FHIT: variants seen among roughly 807,000 people sequenced by gnomAD.
FHIT encodes the protein bis(5'-adenosyl)-triphosphatase.
FHIT carries 19 observed loss-of-function variants against 17.9 expected under a neutral mutation model. The observed-to-expected ratio is 1.06, with a 90% confidence interval of 0.74 to 1.56. The LOEUF (loss-of-function observed/expected upper bound fraction) is 1.56. Among genes scored for constraint, FHIT ranks in the 40% most tolerant of loss-of-function variants. FHIT has a pLI of 0.00. For synonymous variants in FHIT, 81 were observed against 69.7 expected (o/e 1.16, Z -0.81); for missense variants, 248 against 189.2 (o/e 1.31, Z -1.82).
chr3:59,835,935 G>C (rs1221134532), intron 8 of FHIT, among the ~76,000 whole-genome samples: 1 of 152,098 alleles, frequency 6.6e-6, no homozygotes, highest in African/African-American at 2.4e-5. Context: ...TAAATCAAGG[G>C]GACACAAATA....
rs112626491 is a variant in FHIT at position 59,957,377 on chromosome 3, C to G, written c.280-34963G>C. Among the ~76,000 whole-genome samples, 6 of 152,354 alleles carry G rather than the reference C, an allele frequency of 3.9e-5. No individual in the cohort carries two copies. In the East Asian group the frequency reaches 7.7e-4, roughly 20 times the overall value. On this transcript the variant is annotated intron_variant, in intron 7 of 9. Coordinates refer to ENST00000492590, the MANE Select transcript of FHIT (RefSeq NM_002012.4). Reference sequence around the variant, plus strand: ...TCACAAGAGGGGCCTCAGGGGAAATCAACTCTGCTGACACCTTGGTCTTTG... The same window carrying G: ...TCACAAGAGGGGCCTCAGGGGAAATGAACTCTGCTGACACCTTGGTCTTTG...
At chr3:60,283,366 C>A (rs213369) in intron 5 of FHIT, among the ~76,000 whole-genome samples, 29,218 of 151,820 alleles carry the variant, frequency 0.19, 3,050 homozygotes, top group South Asian at 0.35. Context: ...TATATTAATA[C>A]ATATCATTAA....
intron 5 of FHIT, among the ~76,000 whole-genome samples, chr3:60,460,963 A>G (rs2032423149): frequency 6.6e-6 from 1 of 152,214 alleles, no homozygotes; most frequent in Non-Finnish European, 1.5e-5. Context: ...ATCTATTTAA[A>G]GGAAATATAT....
At chr3:60,581,000 T>C (rs1249040654) in intron 4 of FHIT, among the ~76,000 whole-genome samples, 4 of 152,002 alleles carry the variant, frequency 2.6e-5, no homozygotes, top group Non-Finnish European at 5.9e-5. Context: ...GTGGCTGAGA[T>C]TGCATAGTTC....
chr3:60,465,590 T>C (rs1357596299), intron 5 of FHIT, among the ~76,000 whole-genome samples: 1 of 152,104 alleles, frequency 6.6e-6, no homozygotes, highest in African/African-American at 2.4e-5. Context: ...AGGGGTCTAG[T>C]TTTATTCTTC....
chr3:60,860,425 G>GT (rs1412059907), intron 3 of FHIT, among the ~76,000 whole-genome samples: 19 of 130,066 alleles, frequency 1.5e-4, no homozygotes, highest in South Asian at 2.5e-4. Context: ...ATGTATATAT[G>GT]ATACATATAT....
chr3:60,444,739 A>T (rs188195478), intron 5 of FHIT, among the ~76,000 whole-genome samples: 2 of 152,200 alleles, frequency 1.3e-5, no homozygotes, highest in Non-Finnish European at 2.9e-5. Flanking sequence ...GATATACCTA[A>T]TGCTGAATGA....
chr3:60,471,396 G>A (rs1226996351), intron 5 of FHIT, among the ~76,000 whole-genome samples: 2 of 152,194 alleles, frequency 1.3e-5, no homozygotes, highest in African/African-American at 4.8e-5. Flanking sequence ...CCATTGGCAT[G>A]GACAATTTGC....
chr3:60,894,601 A>G (rs1259471754), intron 3 of FHIT, among the ~76,000 whole-genome samples: 1 of 152,160 alleles, frequency 6.6e-6, no homozygotes, highest in Non-Finnish European at 1.5e-5. Context: ...CTGCATCTGG[A>G]AAGTTAGGCT....
intron 4 of FHIT, among the ~76,000 whole-genome samples, chr3:60,554,746 G>C (rs1323085282): frequency 3.3e-5 from 5 of 152,208 alleles, no homozygotes; most frequent in Admixed American, 3.3e-4. Context: ...CATTTACATT[G>C]AACAAATTAA....
At chr3:61,142,221 G>C (rs2037105224) in intron 2 of FHIT, among the ~76,000 whole-genome samples, 1 of 151,300 alleles carries the variant, frequency 6.6e-6, no homozygotes, top group African/African-American at 2.4e-5. Flanking sequence ...CTTAAGTATA[G>C]AAAATATCAG....
At chr3:60,265,870 A>G (rs918836072) in intron 5 of FHIT, among the ~76,000 whole-genome samples, 1 of 151,972 alleles carries the variant, frequency 6.6e-6, no homozygotes, top group African/African-American at 2.4e-5. Context: ...TCTAAACACC[A>G]TGAGTCACCA....
intron 3 of FHIT, among the ~76,000 whole-genome samples, chr3:60,930,339 T>C (rs1376655908): frequency 4.6e-5 from 7 of 151,996 alleles, no homozygotes; most frequent in Non-Finnish European, 1.0e-4. Context: ...CCAAAAGCAA[T>C]GGTAACAAAA....
At chr3:61,068,800 T>A (rs1267238331) in intron 2 of FHIT, among the ~76,000 whole-genome samples, 1 of 152,138 alleles carries the variant, frequency 6.6e-6, no homozygotes, top group African/African-American at 2.4e-5. Flanking sequence ...TTTACATTGT[T>A]GGAAAGTCAA....
chr3:61,103,891 CTT>C (rs1214060792), intron 2 of FHIT, among the ~76,000 whole-genome samples: 1 of 141,568 alleles, frequency 7.1e-6, no homozygotes, highest in South Asian at 2.2e-4. Context: ...GCTTTTTTTT[CTT>C]TTTTTTTTTT....
chr3:61,202,759 G>A (rs1391474301), intron 1 of FHIT, among the ~76,000 whole-genome samples: 2 of 152,170 alleles, frequency 1.3e-5, no homozygotes, highest in Admixed American at 6.5e-5. Flanking sequence ...AAAAATGAAA[G>A]TAAAGCAACA....
At chr3:61,222,406 G>A (rs527796473) in intron 1 of FHIT, among the ~76,000 whole-genome samples, 5 of 152,202 alleles carry the variant, frequency 3.3e-5, no homozygotes, top group African/African-American at 7.2e-5. Context: ...CAAAATATTG[G>A]TAGAGAATGG....
intron 7 of FHIT, among the ~76,000 whole-genome samples, chr3:59,928,019 T>C (rs1243400122): frequency 6.6e-6 from 1 of 152,174 alleles, no homozygotes. Context: ...TTCTAAGGGA[T>C]AGAAACATGG....
chr3:60,954,119 A>G (rs1327797073), intron 3 of FHIT, among the ~76,000 whole-genome samples: 2 of 152,170 alleles, frequency 1.3e-5, no homozygotes, highest in Non-Finnish European at 2.9e-5. Flanking sequence ...GCCAATCTAT[A>G]ATGACTCAAG....
Sources: gnomAD v4.1 joint callset for allele counts (sites outside exome capture counted in the v4.1 genomes callset) on GRCh38, gnomAD v4.1.1 for gene constraint, MANE v1.5 for transcripts, NCBI Gene and HGNC (gene_info 2026-07-23, HGNC 2026-07-21) for gene names.